The following SCFD2 variants were observed in gnomAD, a reference collection of about 807,000 sequenced individuals.
SCFD2 encodes the protein sec1 family domain containing 2.
In SCFD2, 54 loss-of-function variants were observed where a neutral mutation model predicts 58.9. The observed-to-expected ratio is 0.92, with a 90% CI of 0.74 to 1.15. The LOEUF (loss-of-function observed/expected upper bound fraction) is 1.15. Ranked by LOEUF, SCFD2 falls within the 50% of genes most tolerant of loss-of-function variation. SCFD2 has a pLI of 0.00. For synonymous variants in SCFD2, 321 were observed against 335.9 expected (o/e 0.96, Z 0.49); for missense variants, 805 against 836.6 (o/e 0.96, Z 0.47).
intron 5 of SCFD2, among the ~76,000 whole-genome samples, chr4:52,970,232 G>C (rs1020522068): frequency 2.6e-5 from 4 of 152,222 alleles, no homozygotes; most frequent in African/African-American, 9.6e-5. Context: ...CGCCTCACCC[G>C]GTAAGTGCAA....
intron 4 of SCFD2, among the ~76,000 whole-genome samples, chr4:53,163,375 A>C (rs772834326): frequency 1.4e-4 from 22 of 152,078 alleles, no homozygotes; most frequent in Admixed American, 7.2e-4. Flanking sequence ...TCCAATTATC[A>C]GCAAATGAAC....
intron 5 of SCFD2, among the ~76,000 whole-genome samples, chr4:53,010,329 CT>C (rs1261887122): frequency 6.6e-6 from 1 of 152,180 alleles, no homozygotes; most frequent in Non-Finnish European, 1.5e-5. Context: ...TTTCTTAGGG[CT>C]TTGTACTGCT....
intron 3 of SCFD2, among the ~76,000 whole-genome samples, chr4:53,284,513 G>A (rs1731604206): frequency 6.6e-6 from 1 of 151,498 alleles, no homozygotes; most frequent in African/African-American, 2.4e-5. Context: ...ATATTGTCTA[G>A]GTTCTGACAT....
rs574287603 is a variant in SCFD2, at chr4:53,096,570, T to A, written c.1561+48763A>T. On this transcript the variant is annotated intron_variant, in intron 5 of 8. Coordinates refer to ENST00000401642, the MANE Select transcript of SCFD2 (RefSeq NM_152540.4). The stretch of plus-strand genomic sequence containing the variant: ...GCCCACTTTTTGATGGGGTTGTTTT[T>A]TTCTTGTAAATTTGTTTGAGTTCTT... 1.4e-4 allele frequency among the ~76,000 whole-genome samples: 21 copies of A among 152,348 alleles called. No homozygotes were observed. In the South Asian group the frequency reaches 4.1e-3, roughly 30 times the overall value.
rs1490878693 is a variant in SCFD2 at position 53,132,227 on chromosome 4, C to A, written c.1561+13106G>T. ...TATGTATTAAACATCTTAAACTTCA[C>A]TGATACAGTGTTTAGTAATATGTGC... On this transcript the variant is annotated intron_variant, in intron 5 of 8. Transcript: ENST00000401642. Among the ~76,000 whole-genome samples the A allele has an allele frequency of 5.9e-5, 9 of 152,330 alleles. No individual in the cohort carries two copies. In the East Asian group the frequency reaches 1.5e-3, roughly 26 times the overall value.
intron 4 of SCFD2, among the ~76,000 whole-genome samples, chr4:53,267,702 T>G (rs1290664182): frequency 2.0e-5 from 3 of 152,172 alleles, no homozygotes; most frequent in Admixed American, 2.0e-4. Context: ...TACTTCAGCC[T>G]CCTGAGTAGC....
At chr4:53,328,337 A>G (rs1321956118) in intron 2 of SCFD2, among the ~76,000 whole-genome samples, 1 of 152,116 alleles carries the variant, frequency 6.6e-6, no homozygotes, top group East Asian at 1.9e-4. Flanking sequence ...ACCAAAAAGA[A>G]TCAGTGCTCT....
At chr4:52,906,641 T>C (rs911898763) in intron 7 of SCFD2, among the ~76,000 whole-genome samples, 4 of 152,220 alleles carry the variant, frequency 2.6e-5, no homozygotes, top group African/African-American at 9.6e-5. Context: ...AGTCTGATTG[T>C]CTGGCGTCTG....
At chr4:52,921,721 C>T (rs999796002) in intron 5 of SCFD2, among the ~76,000 whole-genome samples, 10 of 152,072 alleles carry the variant, frequency 6.6e-5, no homozygotes, top group African/African-American at 1.4e-4. Context: ...GTGTCCCCTG[C>T]GAGAGTGGTA....
At chr4:53,265,754 T>C (rs1289137983) in intron 4 of SCFD2, among the ~76,000 whole-genome samples, 1 of 152,092 alleles carries the variant, frequency 6.6e-6, no homozygotes, top group Non-Finnish European at 1.5e-5. Context: ...TTTTATTTAT[T>C]TATTTATTTA....
intron 5 of SCFD2, among the ~76,000 whole-genome samples, chr4:53,062,781 AC>A (rs1723551723): frequency 6.6e-6 from 1 of 152,200 alleles, no homozygotes; most frequent in Admixed American, 6.5e-5. Context: ...ACAGTGACAC[AC>A]AAAAAGAGTA....
At chr4:52,932,550 A>C (rs751111149) in intron 5 of SCFD2, among the ~76,000 whole-genome samples, 17 of 151,932 alleles carry the variant, frequency 1.1e-4, no homozygotes, top group Non-Finnish European at 1.8e-4. Context: ...CTTTTTTTTC[A>C]TATTTTTGGG....
At chr4:53,214,914 T>C (rs1277054605) in intron 4 of SCFD2, among the ~76,000 whole-genome samples, 1 of 152,202 alleles carries the variant, frequency 6.6e-6, no homozygotes, top group Non-Finnish European at 1.5e-5. Flanking sequence ...TAGGGAATCC[T>C]TTCTGCATTG....
intron 5 of SCFD2, among the ~76,000 whole-genome samples, chr4:53,112,247 G>A (rs1286488701): frequency 6.6e-6 from 1 of 152,128 alleles, no homozygotes; most frequent in African/African-American, 2.4e-5. Flanking sequence ...AGAATGAAAG[G>A]TGGAGTTTTT....
chr4:53,114,429 C>A (rs936838010), intron 5 of SCFD2, among the ~76,000 whole-genome samples: 2 of 152,096 alleles, frequency 1.3e-5, no homozygotes, highest in African/African-American at 4.8e-5. Flanking sequence ...ATGCAAAAAA[C>A]CATACTTTGA....
intron 5 of SCFD2, chr4:52,957,084 CA>C (rs779486318): frequency 3.9e-5 from 6 of 152,178 alleles, no homozygotes; most frequent in Non-Finnish European, 5.9e-5. Context: ...AGACACCCCA[CA>C]ATTCCAGAAA....
intron 5 of SCFD2, among the ~76,000 whole-genome samples, chr4:53,069,091 A>G (rs1723743138): frequency 1.3e-5 from 2 of 152,074 alleles, no homozygotes; most frequent in African/African-American, 2.4e-5. Flanking sequence ...ATGCACAGAG[A>G]GGCATAGAAA....
chr4:53,331,528 A>G (rs1172247973), intron 2 of SCFD2, among the ~76,000 whole-genome samples: 5 of 152,232 alleles, frequency 3.3e-5, no homozygotes, highest in Non-Finnish European at 7.3e-5. Context: ...GGCAGCAATA[A>G]AGATGTTCTT....
At chr4:53,342,108 T>A (rs1319453272) in intron 2 of SCFD2, among the ~76,000 whole-genome samples, 1 of 152,070 alleles carries the variant, frequency 6.6e-6, no homozygotes, top group Non-Finnish European at 1.5e-5. Context: ...CACACAACAA[T>A]ATTAACCTTA....
Sources: allele counts gnomAD v4.1 joint callset (sites outside exome capture counted in the v4.1 genomes callset), GRCh38; gene constraint gnomAD v4.1.1; transcripts MANE v1.5; gene names NCBI Gene and HGNC (gene_info 2026-07-23, HGNC 2026-07-21).